Variants in NCOR2 observed in about 807,000 individuals in gnomAD.
The protein encoded by NCOR2 is nuclear receptor corepressor 2, also known as CTG repeat protein 26.
A neutral mutation model predicts 262.9 loss-of-function variants in NCOR2; 81 were observed. The observed-to-expected ratio is 0.31, with a 90% confidence interval of 0.26 to 0.37. The LOEUF (loss-of-function observed/expected upper bound fraction) is 0.37. NCOR2 is among the 10% of genes least tolerant of loss of function. The probability of loss-of-function intolerance (pLI) is 1.00; values close to 1 mark genes in which losing one functional copy is unlikely to be tolerated. For missense variants in NCOR2, 3,385 were observed against 3,621.4 expected (o/e 0.93, Z 1.68); for synonymous variants, 1,659 against 1,559.3 (o/e 1.06, Z -1.51).
intron 1 of NCOR2, among the ~76,000 whole-genome samples, chr12:124,547,799 A>G (rs562754801): frequency 2.0e-5 from 3 of 152,246 alleles, no homozygotes; most frequent in Non-Finnish European, 4.4e-5. Context: ...TTCACTCAGC[A>G]TCATGGTTTC....
chr12:124,554,283 G>A (rs1276167811), intron 1 of NCOR2, among the ~76,000 whole-genome samples: 1 of 152,186 alleles, frequency 6.6e-6, no homozygotes, highest in African/African-American at 2.4e-5. Flanking sequence ...CAGCAATCTG[G>A]CAGTGGGGAT....
intron 22 of NCOR2, among the ~76,000 whole-genome samples, chr12:124,358,428 G>C (rs898543759): frequency 6.6e-6 from 1 of 151,638 alleles, no homozygotes; most frequent in Non-Finnish European, 1.5e-5. Context: ...GTGTGCGCCT[G>C]TGTGTGTGTG....
rs1165945307 is a variant in NCOR2 at position 124,378,113 on chromosome 12, C to G, written c.2167+124G>C. 1.6e-5 allele frequency: 24 copies of G among 1,503,092 alleles called. No homozygotes were observed. The South Asian group carries it at 2.0e-4, about 13-fold the overall frequency. The allele number at this position is 1,503,092 out of a possible 1,614,324, so 93.1% of individuals were successfully genotyped here. ...CCCGCACCTTCCAGGGAGTCGAGGC[C>G]CCTTCTAAGGAGGACCCAGATGACT... On this transcript the variant is annotated intron_variant, in intron 18 of 46. Transcript: ENST00000405201. This position sits in a 1 kb window ranked among gnomAD's most constrained non-coding sequence, Gnocchi z 4.2.
chr12:124,334,802 G>A, intron 40 of NCOR2, 185 bp from the exon 43 acceptor site: 1 of 596,162 alleles, frequency 1.7e-6, no homozygotes, highest in Non-Finnish European at 3.0e-6. Context: ...TGGGGCTGTG[G>A]TCAGCGGTCC....
At chr12:124,532,985 CTCTTTCCCCCACCTCCAAATCGCACTT>C (rs2050914103) in intron 1 of NCOR2, among the ~76,000 whole-genome samples, 1 of 75,886 alleles carries the variant, frequency 1.3e-5, no homozygotes, top group Non-Finnish European at 3.1e-5. Context: ...AATCCCACTC[CTCTTTCCCCCACCTCCAAATCGCACTT>C]CTCCTTCCCC....
chr12:124,358,062 A>G (rs1480624649), intron 22 of NCOR2, among the ~76,000 whole-genome samples: 1 of 131,548 alleles, frequency 7.6e-6, no homozygotes, highest in African/African-American at 3.0e-5. Context: ...GCCTGTACAC[A>G]ATGTTGAAGG....
At chr12:124,490,336 C>G (rs1349540820) in intron 1 of NCOR2, among the ~76,000 whole-genome samples, 1 of 152,188 alleles carries the variant, frequency 6.6e-6, no homozygotes, top group Non-Finnish European at 1.5e-5. Context: ...AGGATGCTTA[C>G]CTGTTCTGTT....
intron 19 of NCOR2, among the ~76,000 whole-genome samples, chr12:124,373,257 CCGGG>C: frequency 8.0e-6 from 1 of 125,692 alleles, no homozygotes. Context: ...TGCAGGGGAC[CCGGG>C]CACAGTGGAC....
At chr12:124,363,837 G>A in intron 20 of NCOR2, 38 bp from the exon 23 acceptor site, 1 of 1,320,228 alleles carries the variant, frequency 7.6e-7, no homozygotes, top group Non-Finnish European at 9.7e-7. Flanking sequence ...GGGGCCCACA[G>A]CCGGACTCTC....
intron 1 of NCOR2, among the ~76,000 whole-genome samples, chr12:124,491,120 G>C (rs188004289): frequency 6.6e-6 from 1 of 152,186 alleles, no homozygotes; most frequent in African/African-American, 2.4e-5. Context: ...CATACGGGCC[G>C]CGAAGGGCGG....
At chr12:124,335,183 T>G in exon 40 of NCOR2, 1 of 1,611,596 alleles carries the variant, frequency 6.2e-7, no homozygotes, top group South Asian at 1.1e-5. Flanking sequence ...CTTTGACCCC[T>G]GGGGCGGTCT....
intron 5 of NCOR2, among the ~76,000 whole-genome samples, chr12:124,463,081 T>C (rs941008590): frequency 6.6e-6 from 1 of 152,198 alleles, no homozygotes; most frequent in Non-Finnish European, 1.5e-5. Flanking sequence ...ATCCTGACTG[T>C]TCCCCAGTGT....
intron 1 of NCOR2, among the ~76,000 whole-genome samples, chr12:124,500,373 C>G (rs747064421): frequency 6.6e-6 from 1 of 152,194 alleles, no homozygotes; most frequent in African/African-American, 2.4e-5. Flanking sequence ...AAGTGCCCCC[C>G]GCCCCCACTG....
intron 1 of NCOR2, among the ~76,000 whole-genome samples, chr12:124,563,327 G>A (rs778551213): frequency 1.3e-4 from 20 of 152,238 alleles, no homozygotes; most frequent in Admixed American, 6.5e-5. Context: ...GCTAGCTGGA[G>A]CCAAGTGGGC....
Position 124,440,299 on chromosome 12 carries a change from C to A in NCOR2, c.816-2303G>T, listed in dbSNP as rs1205401302. Among the ~76,000 whole-genome samples, 1 of 152,210 alleles carries A rather than the reference C, an allele frequency of 6.6e-6. No individual in the cohort carries two copies. Among genetic ancestry groups the A allele is most frequent in the East Asian group, 1.9e-4 (1 of 5,200 alleles). ...CATTGGAAACAGGAAAAGGAGGGAA[C>A]CCCAGGCTCTGACGGACGAGTGAAG... On this transcript the variant is annotated intron_variant, in intron 7 of 46. Transcript: ENST00000405201. This position sits in a 1 kb window ranked among gnomAD's most constrained non-coding sequence, Gnocchi z 5.7.
chr12:124,376,689 G>A (rs2040026720), intron 18 of NCOR2, among the ~76,000 whole-genome samples: 1 of 152,238 alleles, frequency 6.6e-6, no homozygotes, highest in African/African-American at 2.4e-5. Context: ...TCGGGCTGGT[G>A]AAACCCTGCG....
At chr12:124,436,764 T>C (rs2044357188) in intron 8 of NCOR2, among the ~76,000 whole-genome samples, 1 of 152,136 alleles carries the variant, frequency 6.6e-6, no homozygotes. Context: ...AGTTTGTCAA[T>C]GTTCTAACAT....
chr12:124,367,420 G>T (rs761695395), intron 20 of NCOR2, among the ~76,000 whole-genome samples: 2 of 152,170 alleles, frequency 1.3e-5, no homozygotes, highest in Non-Finnish European at 2.9e-5. Flanking sequence ...GCCAGCACAA[G>T]GGCTGGGTTC....
chr12:124,442,505 G>C (rs2044870940), intron 7 of NCOR2, among the ~76,000 whole-genome samples: 1 of 152,240 alleles, frequency 6.6e-6, no homozygotes, highest in Admixed American at 6.5e-5. Flanking sequence ...CAGGTGACGT[G>C]TGTGGGGGAA....
Sources: gnomAD v4.1 joint callset for allele counts (sites outside exome capture counted in the v4.1 genomes callset) on GRCh38, gnomAD v4.1.1 for gene constraint, Gnocchi (gnomAD v3.1) non-coding constraint, MANE v1.5 for transcripts, NCBI Gene and HGNC (gene_info 2026-07-23, HGNC 2026-07-21) for gene names.